PIP4P2: variants seen among roughly 807,000 people sequenced by gnomAD.
The protein encoded by PIP4P2 is type 2 phosphatidylinositol 4,5-bisphosphate 4-phosphatase.
Under a neutral mutation model 33.3 loss-of-function variants are expected in PIP4P2, and 19 were observed. That is an observed-to-expected ratio of 0.57 (90% CI 0.40 to 0.84). The LOEUF is 0.84. Ranked by LOEUF, PIP4P2 falls within the 40% of genes least tolerant of loss-of-function variation. The pLI, the probability that PIP4P2 is intolerant of heterozygous loss-of-function variation, is 0.00. For missense variants in PIP4P2, 270 were observed against 324.7 expected, an observed-to-expected ratio of 0.83 and a Z score of 1.29; for synonymous variants, 110 against 111.9, an observed-to-expected ratio of 0.98 and a Z score of 0.11.
intron 1 of PIP4P2, among the ~76,000 whole-genome samples, chr8:91,038,813 G>C (rs892194966): frequency 2.6e-5 from 4 of 152,150 alleles, no homozygotes; most frequent in Admixed American, 2.0e-4. Flanking sequence ...CATCTAACCT[G>C]TCTCATTCAC....
chr8:91,002,893 T>TG (rs1181209585), intron 5 of PIP4P2, among the ~76,000 whole-genome samples: 3 of 152,056 alleles, frequency 2.0e-5, no homozygotes, highest in East Asian at 1.9e-4. Context: ...TGCAATTTGT[T>TG]GGGGCTAGGA....
chr8:91,005,320 C>T (rs1811751180), intron 5 of PIP4P2, among the ~76,000 whole-genome samples: 1 of 152,092 alleles, frequency 6.6e-6, no homozygotes, highest in Non-Finnish European at 1.5e-5. Context: ...TATACTCTGA[C>T]TCCTTTGTAC....
At chr8:91,010,777 T>G (rs1811825341) in intron 4 of PIP4P2, among the ~76,000 whole-genome samples, 3 of 151,708 alleles carry the variant, frequency 2.0e-5, no homozygotes, top group Admixed American at 2.0e-4. Context: ...TGAAGTCTCA[T>G]TATACCAAAA....
intron 5 of PIP4P2, among the ~76,000 whole-genome samples, chr8:90,998,641 C>G (rs1462691835): frequency 6.6e-6 from 1 of 151,912 alleles, no homozygotes; most frequent in Non-Finnish European, 1.5e-5. Context: ...TTCAACAAAC[C>G]TGACAAAAAC....
chr8:91,021,220 C>T (rs745377728), intron 2 of PIP4P2, 36 bp downstream of exon 2: 27 of 1,607,606 alleles, frequency 1.7e-5, no homozygotes, highest in Non-Finnish European at 2.3e-5. Flanking sequence ...TGTCAAATAA[C>T]AATTTATATT....
chr8:91,013,537 A>AT (rs1356675861), intron 4 of PIP4P2, among the ~76,000 whole-genome samples: 3 of 152,032 alleles, frequency 2.0e-5, no homozygotes, highest in Non-Finnish European at 4.4e-5. Flanking sequence ...GTATATACTG[A>AT]TTTTTATTTA....
At chr8:91,019,306 T>G (rs1216702946) in intron 3 of PIP4P2, among the ~76,000 whole-genome samples, 1 of 137,754 alleles carries the variant, frequency 7.3e-6, no homozygotes, top group Admixed American at 7.9e-5. Flanking sequence ...CCAGGCATGG[T>G]GGCTCATGCC....
At chr8:91,020,652 C>G (rs1296395848) in intron 2 of PIP4P2, among the ~76,000 whole-genome samples, 2 of 152,074 alleles carry the variant, frequency 1.3e-5, no homozygotes, top group East Asian at 3.8e-4. Context: ...AAAAATACTG[C>G]TGAAAATTTA....
At chr8:91,023,699 C>A (rs753262920) in intron 1 of PIP4P2, among the ~76,000 whole-genome samples, 1 of 151,990 alleles carries the variant, frequency 6.6e-6, no homozygotes, top group Admixed American at 6.6e-5. Flanking sequence ...ATAAGCTCCA[C>A]GAGGCCAGGG....
chr8:91,013,288 T>C (rs1051975915), intron 4 of PIP4P2, among the ~76,000 whole-genome samples: 4 of 152,094 alleles, frequency 2.6e-5, no homozygotes, highest in Non-Finnish European at 4.4e-5. Flanking sequence ...ACAAGGATTA[T>C]CCATGGCAAA....
chr8:91,030,705 T>C (rs969555859), intron 1 of PIP4P2, among the ~76,000 whole-genome samples: 9 of 152,206 alleles, frequency 5.9e-5, no homozygotes, highest in Non-Finnish European at 1.0e-4. Flanking sequence ...ATTCCTTGAG[T>C]GTAGCACAGG....
chr8:90,997,724 C>G (rs1309116276), intron 5 of PIP4P2, among the ~76,000 whole-genome samples: 1 of 152,064 alleles, frequency 6.6e-6, no homozygotes, highest in Non-Finnish European at 1.5e-5. Context: ...GTATCTGATT[C>G]ACCTTTGTGT....
chr8:91,027,567 T>C (rs1468216198), intron 1 of PIP4P2, among the ~76,000 whole-genome samples: 1 of 152,170 alleles, frequency 6.6e-6, no homozygotes, highest in Non-Finnish European at 1.5e-5. Context: ...TTTGATAATA[T>C]GTATTTCCAG....
intron 1 of PIP4P2, among the ~76,000 whole-genome samples, chr8:91,025,841 G>T (rs970982451): frequency 2.0e-5 from 3 of 152,044 alleles, no homozygotes; most frequent in African/African-American, 7.2e-5. Context: ...GGCCACTATG[G>T]GTTAGCTGCT....
chr8:91,039,660 G>A (rs989379770), intron 1 of PIP4P2, among the ~76,000 whole-genome samples: 5 of 152,086 alleles, frequency 3.3e-5, no homozygotes, highest in African/African-American at 1.2e-4. Flanking sequence ...TGCACTTAAG[G>A]AACATTTGCA....
At chr8:90,999,371 A>G (rs936689816) in intron 5 of PIP4P2, among the ~76,000 whole-genome samples, 3 of 152,118 alleles carry the variant, frequency 2.0e-5, no homozygotes, top group African/African-American at 7.2e-5. Flanking sequence ...TTAAAGGTAA[A>G]TGTACAGCCT....
chr8:91,002,935 A>G (rs1811718302), intron 5 of PIP4P2, among the ~76,000 whole-genome samples: 1 of 152,164 alleles, frequency 6.6e-6, no homozygotes, highest in Admixed American at 6.6e-5. Context: ...GAGACAGAAG[A>G]AAACAAAGAT....
At chr8:91,027,251 A>G (rs1812096774) in intron 1 of PIP4P2, among the ~76,000 whole-genome samples, 1 of 152,226 alleles carries the variant, frequency 6.6e-6, no homozygotes, top group African/African-American at 2.4e-5. Context: ...TAAAACTTGG[A>G]ATGAGACCAA....
At chr8:91,037,242 A>G (rs945500687) in intron 1 of PIP4P2, among the ~76,000 whole-genome samples, 1 of 152,188 alleles carries the variant, frequency 6.6e-6, no homozygotes, top group African/African-American at 2.4e-5. Flanking sequence ...CTATCTCTCC[A>G]GTCCCATTTT....
Sources: gnomAD v4.1 joint callset for allele counts (sites outside exome capture counted in the v4.1 genomes callset) on GRCh38, gnomAD v4.1.1 for gene constraint, MANE v1.5 for transcripts, NCBI Gene and HGNC (gene_info 2026-07-23, HGNC 2026-07-21) for gene names.